AKNA: variants seen among roughly 807,000 people sequenced by gnomAD.
The protein encoded by AKNA is microtubule organization protein AKNA.
Under a neutral mutation model 138.8 loss-of-function variants are expected in AKNA, and 67 were observed. The observed-to-expected ratio is 0.48, with a 90% CI of 0.40 to 0.59. The LOEUF (loss-of-function observed/expected upper bound fraction) is 0.59. Among genes scored for constraint, AKNA ranks in the 20% least tolerant of loss-of-function variants. The pLI is 0.00. For synonymous variants in AKNA, 737 were observed against 754.4 expected (o/e 0.98, Z 0.38); for missense variants, 1,813 against 1,880.4 (o/e 0.96, Z 0.66).
downstream of AKNA, chr9:114,331,422 G>T (rs1453247894): frequency 1.6e-6 from 1 of 638,216 alleles, no homozygotes; most frequent in Non-Finnish European, 2.8e-6. Flanking sequence ...ACGCAGCAGG[G>T]GCTGGGCACA....
Position 114,364,576 on chromosome 9 carries a change from G to C in AKNA, c.1772C>G (p.Pro591Arg), listed in dbSNP as rs756204483. The change falls in exon 7 of 22, where the codon CCC becomes CGC. Residue 591 changes from proline (P) to arginine (R), a missense_variant. Pro to Arg is a moderately radical substitution (Grantham distance 103, BLOSUM62 -2). Transcript: ENST00000374088. ...ERLIQAGRLMPQDQVKGFQRL... is the reference protein window; with the variant it reads ...ERLIQAGRLMRQDQVKGFQRL... ...GGGCAGTACCTTGACTTGGTCCTGG[G>C]GCATGAGACGTCCTGCCTGTATCAG... 5.6e-6 allele frequency: 9 copies of C among 1,613,884 alleles called. No homozygotes were observed. The South Asian group carries it at 9.9e-5, about 18-fold the overall frequency.
At chr9:114,331,922 G>A (rs1314043354), downstream of AKNA, 5 of 1,613,466 alleles carry the variant, frequency 3.1e-6, no homozygotes, top group Admixed American at 1.7e-5. Flanking sequence ...TACACCGACT[G>A]GAAAAAGGTA....
chr9:114,351,005 C>G lies in AKNA; in HGVS notation c.3075G>C (p.Glu1025Asp), dbSNP rs573067023. Reference protein sequence around the residue: ...LAAEMAVPGSEFEGHKRISEQ... With the variant: ...LAAEMAVPGSDFEGHKRISEQ... ...CAGAAATCCGTTTGTGCCCCTCAAA[C>G]TCTGAGCCAGGAACCGCTAGGGAGG... The change falls in exon 15 of 22, where the codon GAG becomes GAC. Residue 1025 changes from glutamate to aspartate, a missense_variant. Transcript: ENST00000374088. The G allele has an allele frequency of 5.0e-6, 8 of 1,613,842 alleles. No homozygotes were observed. In the East Asian group the frequency reaches 1.6e-4, roughly 31 times the overall value.
intron 2 of AKNA, among the ~76,000 whole-genome samples, chr9:114,379,970 G>A (rs1460211381): frequency 6.6e-6 from 1 of 152,170 alleles, no homozygotes; most frequent in Non-Finnish European, 1.5e-5. Flanking sequence ...GGGCAACACT[G>A]TGAGACCCTG....
At chr9:114,340,478 G>A (rs184385077) in intron 21 of AKNA, among the ~76,000 whole-genome samples, 22 of 152,300 alleles carry the variant, frequency 1.4e-4, no homozygotes, top group African/African-American at 4.6e-4. Context: ...CTGTGATGGC[G>A]AAGCTACTGT....
At chr9:114,367,199 A>G (rs1832426277) in intron 6 of AKNA, among the ~76,000 whole-genome samples, 2 of 152,270 alleles carry the variant, frequency 1.3e-5, no homozygotes, top group Middle Eastern at 6.8e-3. Context: ...GAAGAGGAAA[A>G]GGTAGAGTGG....
chr9:114,379,011 G>A lies in AKNA; in HGVS notation c.275-1479C>T, dbSNP rs374172937. Reference sequence around the variant, plus strand: ...AACCACTTAACATGTCCTTCAGCAAGTTACTCTTGCTTACAGCAGCATACT... The same window carrying A: ...AACCACTTAACATGTCCTTCAGCAAATTACTCTTGCTTACAGCAGCATACT... On this transcript the variant is annotated intron_variant, in intron 2 of 21. Transcript: ENST00000374088. Among the ~76,000 whole-genome samples, 163 of 152,318 alleles carry A rather than the reference G, an allele frequency of 1.1e-3. 5 individuals are homozygous for A. The South Asian group carries it at 0.032, about 30-fold the overall frequency.
intron 3 of AKNA, among the ~76,000 whole-genome samples, chr9:114,375,183 T>G (rs1483845922): frequency 6.6e-6 from 1 of 151,912 alleles, no homozygotes; most frequent in African/African-American, 2.4e-5. Flanking sequence ...GCTCAAAACC[T>G]AACAATATTC....
Position 114,345,957 on chromosome 9 carries a change from G to C in AKNA, c.3567C>G (p.Thr1189=). ...GAGCTGCCTGTGGACTGTCCTTGGTGGTCTTGCTCTTCTCAGAGAACAGTG... is the reference window on the plus strand; with the variant it reads ...GAGCTGCCTGTGGACTGTCCTTGGTCGTCTTGCTCTTCTCAGAGAACAGTG... ...SLPLFSEKSK[T]TKDSPQAARD... is the part of the protein sequence containing the mutation. Residue 1189 remains threonine, a synonymous_variant, in exon 18 of 22, where the codon ACC becomes ACG. Coordinates refer to ENST00000374088, the MANE Select transcript of AKNA (RefSeq NM_001317950.2). 1 of 1,614,060 alleles carries C rather than the reference G, an allele frequency of 6.2e-7. No homozygotes were observed. The highest frequency in any genetic ancestry group is 1.1e-5 in the South Asian group (1 of 91,074).
In AKNA at chr9:114,359,969, G is replaced by A. The variant is rs1588978866; in HGVS notation, c.2218C>T (p.Pro740Ser). The A allele has an allele frequency of 6.2e-7, 1 of 1,614,228 alleles. No individual in the cohort carries two copies. The highest frequency in any genetic ancestry group is 8.5e-7 in the Non-Finnish European group (1 of 1,180,042). The part of the protein sequence containing the change: ...SSGNSEVEDR[P>S]QDPLARLRHK... ...CTGAGTCGGGCCAGGGGGTCCTGTGGCCTGTCCTCCACCTCACTGTTGCCA... is the reference window on the plus strand; with the variant it reads ...CTGAGTCGGGCCAGGGGGTCCTGTGACCTGTCCTCCACCTCACTGTTGCCA... The change falls in exon 10 of 22, where the codon CCA (proline) becomes TCA (serine). Residue 740 changes from proline (P) to serine (S), a missense_variant. Physicochemically the swap from Pro to Ser is moderately conservative, Grantham distance 74. Coordinates refer to ENST00000374088, the MANE Select transcript of AKNA (RefSeq NM_001317950.2).
At chr9:114,343,589 TC>T in intron 19 of AKNA, 118 bp downstream of exon 19, 4 of 1,018,126 alleles carry the variant, frequency 3.9e-6, no homozygotes, top group Non-Finnish European at 6.0e-6. Context: ...CCCTGGTCTG[TC>T]CCTATAACCC....
chr9:114,341,826 C>G, intron 20 of AKNA, 101 bp from the exon 21 acceptor site: 1 of 1,377,214 alleles, frequency 7.3e-7, no homozygotes, highest in Non-Finnish European at 9.9e-7. Flanking sequence ...GAGAGCTGGA[C>G]AGGCCCTACC....
Position 114,379,504 on chromosome 9 carries a change from T to A in AKNA, c.274+1556A>T, listed in dbSNP as rs542196593. ...AGAGAGCTCAGAAATGGCTCCTCAG[T>A]GGGCAGTGCCCACTTTGAGCAGATC... On this transcript the variant is annotated intron_variant, in intron 2 of 21. Coordinates refer to ENST00000374088, the MANE Select transcript of AKNA (RefSeq NM_001317950.2). Among the ~76,000 whole-genome samples the A allele has an allele frequency of 5.3e-5, 8 of 152,286 alleles. No individual in the cohort carries two copies. In the South Asian group the frequency reaches 1.7e-3, roughly 32 times the overall value.
downstream of AKNA, chr9:114,331,608 G>T: frequency 6.2e-7 from 1 of 1,613,990 alleles, no homozygotes; most frequent in Non-Finnish European, 8.5e-7. Context: ...GTTCCTTAGG[G>T]ACACCAAGAC....
intron 14 of AKNA, among the ~76,000 whole-genome samples, chr9:114,353,226 G>A (rs868391853): frequency 2.0e-5 from 3 of 151,428 alleles, no homozygotes; most frequent in African/African-American, 4.9e-5. Context: ...AAAGGAGGTC[G>A]CCAAATATTC....
At chr9:114,376,419 C>A in intron 3 of AKNA, 47 bp downstream of exon 3, 5 of 1,603,082 alleles carry the variant, frequency 3.1e-6, no homozygotes, top group Non-Finnish European at 4.3e-6. Flanking sequence ...CCACCCCAAG[C>A]CAACAGGGGC....
intron 14 of AKNA, among the ~76,000 whole-genome samples, chr9:114,354,489 G>A (rs561937441): frequency 6.6e-5 from 10 of 152,264 alleles, no homozygotes; most frequent in Non-Finnish European, 1.0e-4. Context: ...TGAGGAGGGC[G>A]GATCACGAGG....
At chr9:114,347,512 C>T (rs1401899454) in intron 16 of AKNA, among the ~76,000 whole-genome samples, 3 of 152,228 alleles carry the variant, frequency 2.0e-5, no homozygotes, top group Non-Finnish European at 1.5e-5. Flanking sequence ...CCACTGCGCC[C>T]GGCCTATTCT....
intron 1 of AKNA, among the ~76,000 whole-genome samples, chr9:114,383,770 C>T (rs988710619): frequency 2.6e-5 from 4 of 152,184 alleles, no homozygotes; most frequent in African/African-American, 9.7e-5. Flanking sequence ...ACACAAAGTT[C>T]CCCAGGGAAC....
Sources: allele counts gnomAD v4.1 joint callset (sites outside exome capture counted in the v4.1 genomes callset), GRCh38; gene constraint gnomAD v4.1.1; transcripts MANE v1.5; gene names NCBI Gene and HGNC (gene_info 2026-07-23, HGNC 2026-07-21).